NAV2: variants seen among roughly 807,000 people sequenced by gnomAD.
The protein encoded by NAV2 is helicase, APC down-regulated 1.
In NAV2, 54 loss-of-function variants were observed where a neutral mutation model predicts 223.2. The ratio of observed to expected loss-of-function variants is 0.24; its 90% CI spans 0.19 to 0.30. The LOEUF is 0.30. Among genes scored for constraint, NAV2 ranks in the 10% least tolerant of loss-of-function variants. The probability of loss-of-function intolerance (pLI) is 1.00; values close to 1 mark genes in which losing one functional copy is unlikely to be tolerated. For synonymous variants in NAV2, 1,279 were observed against 1,239.3 expected (o/e 1.03, Z -0.67); for missense variants, 2,806 against 3,147.5 (o/e 0.89, Z 2.60).
chr11:19,921,569 C>G (rs16937247), intron 6 of NAV2, among the ~76,000 whole-genome samples: 34,963 of 152,158 alleles, frequency 0.23, 5,000 homozygotes, highest in African/African-American at 0.38. Context: ...AAGCTGTTGA[C>G]AGAAGGCTTG....
chr11:19,354,356 G>T (rs1038428544), intron 1 of NAV2, among the ~76,000 whole-genome samples: 2 of 152,218 alleles, frequency 1.3e-5, no homozygotes, highest in African/African-American at 2.4e-5. Flanking sequence ...AATGTTACTA[G>T]TGTGGCCAAA....
chr11:19,937,631 A>G lies in NAV2; in HGVS notation c.2034-2030A>G, dbSNP rs75693110. Among the ~76,000 whole-genome samples, 19 of 152,326 alleles carry G rather than the reference A, an allele frequency of 1.2e-4. No homozygotes were observed. The East Asian group carries it at 3.3e-3, about 26-fold the overall frequency. On this transcript the variant is annotated intron_variant, in intron 7 of 37. Transcript: ENST00000349880. ...GGTGGAGTGACAACTCAAGTTTTGCATGGCTAACAAGTTATAGATCTTAGA... is the reference window on the plus strand; with the variant it reads ...GGTGGAGTGACAACTCAAGTTTTGCGTGGCTAACAAGTTATAGATCTTAGA...
intron 1 of NAV2, among the ~76,000 whole-genome samples, chr11:19,591,760 G>A (rs887446244): frequency 2.0e-5 from 3 of 152,192 alleles, no homozygotes; most frequent in African/African-American, 4.8e-5. Flanking sequence ...GCCTTGGGAG[G>A]ACCTTGAGAA....
At chr11:19,643,263 C>A (rs910505256) in intron 1 of NAV2, among the ~76,000 whole-genome samples, 1 of 152,006 alleles carries the variant, frequency 6.6e-6, no homozygotes, top group Non-Finnish European at 1.5e-5. Context: ...GTGCTGCACC[C>A]ATTACTCGTC....
chr11:19,707,217 A>G lies in NAV2; in HGVS notation c.76-125267A>G, dbSNP rs139259243. Among the ~76,000 whole-genome samples, 548 of 152,278 alleles carry G rather than the reference A, an allele frequency of 3.6e-3. 2 individuals are homozygous for G. Among genetic ancestry groups the G allele is most frequent in the African/African-American group, 0.013 (530 of 41,548 alleles). On this transcript the variant is annotated intron_variant, in intron 1 of 37. Transcript: ENST00000360655. ...TTAGGCTACACTAAATTTATTAAAA[A>G]TATTTTTCTTTCTTCAATAATAAGT...
chr11:19,881,046 C>T (rs1407886315), intron 5 of NAV2, among the ~76,000 whole-genome samples: 1 of 152,162 alleles, frequency 6.6e-6, no homozygotes, highest in African/African-American at 2.4e-5. Flanking sequence ...AAAGCACCAG[C>T]ATTAATAATC....
intron 1 of NAV2, among the ~76,000 whole-genome samples, chr11:19,578,555 T>G (rs770468887): frequency 6.6e-6 from 1 of 152,140 alleles, no homozygotes; most frequent in African/African-American, 2.4e-5. Context: ...GTGGTGACAT[T>G]GTGACATTGT....
At chr11:19,396,182 A>C (rs1849440161) in intron 1 of NAV2, among the ~76,000 whole-genome samples, 1 of 152,180 alleles carries the variant, frequency 6.6e-6, no homozygotes, top group South Asian at 2.1e-4. Flanking sequence ...AGGAGAGAGG[A>C]TGTCTTTAAA....
chr11:20,006,303 A>T (rs1369645820), intron 11 of NAV2, among the ~76,000 whole-genome samples: 2 of 152,308 alleles, frequency 1.3e-5, no homozygotes, highest in African/African-American at 4.8e-5. Context: ...CCCACAGGTC[A>T]TGCCAGCCTG....
intron 3 of NAV2, among the ~76,000 whole-genome samples, chr11:19,851,224 G>T (rs1008852055): frequency 3.9e-5 from 6 of 152,166 alleles, no homozygotes; most frequent in Admixed American, 2.0e-4. Flanking sequence ...GCAAGCTGGG[G>T]TTTGTTTGCT....
Position 19,767,359 on chromosome 11 carries a change from G to A in NAV2, c.267+53397G>A, listed in dbSNP as rs183975320. On this transcript the variant is annotated intron_variant, in intron 1 of 37. Coordinates refer to ENST00000349880, the MANE Select transcript of NAV2 (RefSeq NM_145117.5). ...CCCAAGGCAGGAGGTCAGATGGTCT[G>A]GGATCTAATCATGGGTCTAGACTGT... Among the ~76,000 whole-genome samples, 763 of 152,258 alleles carry A rather than the reference G, an allele frequency of 5.0e-3. 3 individuals are homozygous for A. Among genetic ancestry groups the A allele is most frequent in the Non-Finnish European group, 8.5e-3 (577 of 68,012 alleles).
At chr11:19,786,557 C>T (rs2057133337) in intron 1 of NAV2, among the ~76,000 whole-genome samples, 1 of 152,134 alleles carries the variant, frequency 6.6e-6, no homozygotes, top group South Asian at 2.1e-4. Context: ...ACACAGTCAC[C>T]CCACCAGTAA....
chr11:19,550,517 AG>A (rs2044656261), intron 1 of NAV2, among the ~76,000 whole-genome samples: 1 of 152,244 alleles, frequency 6.6e-6, no homozygotes, highest in Admixed American at 6.5e-5. Flanking sequence ...AGATCGATAC[AG>A]GGTGGATTCT....
Position 19,713,614 on chromosome 11 carries a change from T to C in NAV2, c.-82T>C. 3 of 1,463,820 alleles carry C rather than the reference T, an allele frequency of 2.0e-6. No individual in the cohort carries two copies. Among genetic ancestry groups the C allele is most frequent in the Non-Finnish European group, 2.7e-6 (3 of 1,107,362 alleles). 90.7% of individuals were successfully genotyped at this position (1,463,820 alleles called of 1,614,324 possible). ...TCGTGGGCTAAGGCCCGGCGCCTGCTCTGCTACCCGCGCTGCCTTTAGCGG... is the reference window on the plus strand; with the variant it reads ...TCGTGGGCTAAGGCCCGGCGCCTGCCCTGCTACCCGCGCTGCCTTTAGCGG... On this transcript the variant is annotated 5_prime_UTR_variant, in exon 1 of 38. Transcript: ENST00000349880. The surrounding 1 kb of genome is among the most constrained non-coding windows in gnomAD (Gnocchi z 7.2).
chr11:20,092,505 G>A, intron 28 of NAV2, 137 bp downstream of exon 28: 1 of 822,060 alleles, frequency 1.2e-6, no homozygotes, highest in Non-Finnish European at 1.9e-6. Context: ...GGGTGTGTAT[G>A]TGTCTGGGTG....
intron 5 of NAV2, among the ~76,000 whole-genome samples, chr11:19,885,102 G>A (rs185523633): frequency 1.2e-3 from 178 of 152,280 alleles, no homozygotes; most frequent in African/African-American, 4.1e-3. Context: ...TATTTTCAAG[G>A]TATCAACAGC....
At position 19,713,285 on chromosome 11, in the gene NAV2, G is replaced by T; in HGVS notation, c.-411G>T. The T allele has an allele frequency of 9.8e-7, 1 of 1,016,664 alleles. No individual in the cohort carries two copies. The allele number at this position is 1,016,664 out of a possible 1,614,324, so 63.0% of individuals were successfully genotyped here. On this transcript the variant is annotated 5_prime_UTR_variant, in exon 1 of 38. Coordinates refer to ENST00000349880, the MANE Select transcript of NAV2 (RefSeq NM_145117.5). This position sits in a 1 kb window ranked among gnomAD's most constrained non-coding sequence, Gnocchi z 7.2. Reference sequence around the variant, plus strand: ...GGAACGGGACTCGTGGGTCGCCGCCGCCTCTGTCTCTTCCAAAGGGGCCTC... The same window carrying T: ...GGAACGGGACTCGTGGGTCGCCGCCTCCTCTGTCTCTTCCAAAGGGGCCTC...
chr11:19,741,685 GTGTATATATATATA>G (rs71050683), intron 1 of NAV2, among the ~76,000 whole-genome samples: 42,092 of 131,536 alleles, frequency 0.32, 7,307 homozygotes, highest in Middle Eastern at 0.41. Context: ...ATGTGTGTGT[GTGTATATATATATA>G]TATATATATA....
chr11:19,700,343 A>T (rs2049475837), intron 1 of NAV2, among the ~76,000 whole-genome samples: 1 of 152,206 alleles, frequency 6.6e-6, no homozygotes, highest in Admixed American at 6.5e-5. Context: ...AGTCACACGT[A>T]TGCAATCAAA....
Sources: gnomAD v4.1 joint callset for allele counts (sites outside exome capture counted in the v4.1 genomes callset) on GRCh38, gnomAD v4.1.1 for gene constraint, Gnocchi (gnomAD v3.1) non-coding constraint, MANE v1.5 for transcripts, NCBI Gene and HGNC (gene_info 2026-07-23, HGNC 2026-07-21) for gene names.